CAMSAP3: variants seen among roughly 807,000 people sequenced by gnomAD.
The protein encoded by CAMSAP3 is calmodulin regulated spectrin associated protein family member 3.
In CAMSAP3, 34 loss-of-function variants were observed where a neutral mutation model predicts 112.5. The ratio of observed to expected loss-of-function variants is 0.30; its 90% CI spans 0.23 to 0.40. The LOEUF (loss-of-function observed/expected upper bound fraction) is 0.40, where lower values mean the gene tolerates loss of function less well. CAMSAP3 is among the 10% of genes least tolerant of loss of function. The pLI is 1.00. For synonymous variants in CAMSAP3, 868 were observed against 799.8 expected (o/e 1.09, Z -1.44); for missense variants, 1,602 against 1,770.3 (o/e 0.90, Z 1.71).
rs200823954 is a variant in CAMSAP3, at chr19:7,611,563, C to T, written c.1170C>T (p.Gly390=). ...CCATGTCCCATATGGAGGCCCTGGGCAAGGCCTGGAACCGGCAGCTCAGGT... is the reference window on the plus strand; with the variant it reads ...CCATGTCCCATATGGAGGCCCTGGGTAAGGCCTGGAACCGGCAGCTCAGGT... The part of the protein sequence containing the change: ...SPSMSHMEAL[G]KAWNRQLSRP... Residue 390 remains glycine, a synonymous_variant, in exon 10 of 17, where the codon GGC becomes GGT. Transcript: ENST00000160298. This position sits in a 1 kb window ranked among gnomAD's most constrained non-coding sequence, Gnocchi z 6.9. 41 of 1,612,596 alleles carry T rather than the reference C, an allele frequency of 2.5e-5. No homozygotes were observed. In the East Asian group the frequency reaches 7.4e-4, roughly 29 times the overall value.
chr19:7,603,204 T>C (rs1259485807), intron 1 of CAMSAP3, among the ~76,000 whole-genome samples: 1 of 151,480 alleles, frequency 6.6e-6, no homozygotes, highest in Non-Finnish European at 1.5e-5. Flanking sequence ...TCTTTTCTTT[T>C]TTTTTCTTTC....
chr19:7,603,609 A>AGCCACCT (rs1398880245), intron 1 of CAMSAP3, among the ~76,000 whole-genome samples: 2 of 151,804 alleles, frequency 1.3e-5, no homozygotes, highest in Non-Finnish European at 2.9e-5. Flanking sequence ...CACTTTGGGA[A>AGCCACCT]GCCAAGGCAG....
chr19:7,609,508 G>C (rs1474364278), intron 5 of CAMSAP3, among the ~76,000 whole-genome samples: 1 of 151,962 alleles, frequency 6.6e-6, no homozygotes, highest in Non-Finnish European at 1.5e-5. Context: ...GTTCTAGAAA[G>C]ATGCAAAGGC....
chr19:7,611,926 C>T lies in CAMSAP3; in HGVS notation c.1433C>T (p.Ala478Val), dbSNP rs2030512411. The stretch of plus-strand genomic sequence containing the variant: ...GAGCCCCGGCTCCTCCCAGATGGGG[C>T]GGCCGACGGCAGCTTCTACCTCCAC... ...SAEPRLLPDG[A>V]ADGSFYLHSP... The change falls in exon 11 of 17, where the codon GCG (alanine) becomes GTG (valine). Residue 478 changes from alanine (A) to valine (V), a missense_variant. Ala to Val is a moderately conservative substitution (Grantham distance 64, BLOSUM62 0). Transcript: ENST00000160298. This position sits in a 1 kb window ranked among gnomAD's most constrained non-coding sequence, Gnocchi z 6.9. 2 of 1,589,696 alleles carry T rather than the reference C, an allele frequency of 1.3e-6. No individual in the cohort carries two copies. The highest frequency in any genetic ancestry group is 1.1e-5 in the South Asian group (1 of 89,094).
rs761428063 is a variant in CAMSAP3, at chr19:7,605,404, G to A, written c.327G>A (p.Ala109=). 1.2e-5 allele frequency: 18 copies of A among 1,525,842 alleles called. No homozygotes were observed. Among genetic ancestry groups the A allele is most frequent in the Middle Eastern group, 1.7e-4 (1 of 5,726 alleles). The allele number at this position is 1,525,842 out of a possible 1,614,324, so 94.5% of individuals were successfully genotyped here. Residue 109 remains alanine, a synonymous_variant, in exon 2 of 17, where the codon GCG becomes GCA. Transcript: ENST00000160298. ...CCTCTGCACTGCTGGCCCTGCTGGC[G>A]CGGAGGGGCACAGTGCCTGCTTTGC... The part of the protein sequence containing the change: ...PNPSALLALL[A]RRGTVPALPE...
At chr19:7,616,197 C>CAAA (rs74266728) in intron 13 of CAMSAP3, among the ~76,000 whole-genome samples, 5 of 94,526 alleles carry the variant, frequency 5.3e-5, no homozygotes, top group African/African-American at 1.8e-4. Flanking sequence ...AGAAATAAGA[C>CAAA]AAAAAAAAAA....
chr19:7,596,949 G>T (rs984376246), intron 1 of CAMSAP3, among the ~76,000 whole-genome samples: 1 of 152,078 alleles, frequency 6.6e-6, no homozygotes, highest in Admixed American at 6.5e-5. Context: ...CTAATGGGGA[G>T]GATGCCGTAA....
At chr19:7,606,603 TG>T (rs776910276) in intron 4 of CAMSAP3, 32 bp downstream of exon 4, 2 of 1,518,992 alleles carry the variant, frequency 1.3e-6, no homozygotes, top group South Asian at 1.2e-5. Context: ...GTCAGAAGGA[TG>T]GGGGACCGGA....
At position 7,612,086 on chromosome 19, in the gene CAMSAP3, C is replaced by G; in HGVS notation, c.1593C>G (p.Pro531=). ...CCGAGACCCCCTCGAAACCATCTCC[C>G]TGTCTGGTGGGGGAGGCATCGAAAC... is the stretch of plus-strand genomic sequence containing the variant. ...PHPETPSKPS[P]CLVGEASKPP... is the part of the protein sequence containing the mutation. Residue 531 remains proline, a synonymous_variant, in exon 11 of 17, where the codon CCC becomes CCG. Coordinates refer to ENST00000160298, the MANE Select transcript of CAMSAP3 (RefSeq NM_020902.2). The G allele has an allele frequency of 6.2e-7, 1 of 1,609,276 alleles. No homozygotes were observed. The highest frequency in any genetic ancestry group is 1.3e-5 in the African/African-American group (1 of 74,990).
chr19:7,606,156 A>AAAC (rs2030206864), intron 2 of CAMSAP3, 115 bp from the exon 3 acceptor site: 9 of 227,806 alleles, frequency 4.0e-5, no homozygotes, highest in East Asian at 3.4e-4. Flanking sequence ...CTCAAGCCCC[A>AAAC]CCCCCCCCGT....
intron 1 of CAMSAP3, 53 bp from the exon 2 acceptor site, chr19:7,605,173 T>TGTGTGTGTGTGTGTGTGTGA: frequency 8.0e-7 from 1 of 1,252,156 alleles, no homozygotes; most frequent in Non-Finnish European, 1.1e-6. Context: ...TGTGTGTGTG[T>TGTGTGTGTGTGTGTGTGTGA]GTGTTGTATC....
chr19:7,612,997 A>C lies in CAMSAP3; in HGVS notation c.2504A>C (p.Glu835Ala). The C allele has an allele frequency of 6.3e-7, 1 of 1,577,534 alleles. No individual in the cohort carries two copies. The highest frequency in any genetic ancestry group is 1.4e-5 in the African/African-American group (1 of 73,234). The change falls in exon 11 of 17, where the codon GAG (glutamate) becomes GCG (alanine). Residue 835 changes from glutamate (E) to alanine (A), a missense_variant. Glu to Ala is a moderately radical substitution (Grantham distance 107). This residue lies in a region of CAMSAP3 where 1,100 missense variants were observed against 1,135.7 expected (regional missense o/e 0.97). Coordinates refer to ENST00000160298, the MANE Select transcript of CAMSAP3 (RefSeq NM_020902.2). Reference protein sequence around the residue: ...SILLAEETPPEEPAARPGLIE... With the variant: ...SILLAEETPPAEPAARPGLIE... ...CTCCTGGCGGAGGAGACGCCCCCCG[A>C]GGAGCCAGCCGCCCGGCCGGGCCTC...
rs1038448282 is a variant in CAMSAP3, at chr19:7,617,275, A to G, written c.3213-51A>G. 1.5e-6 allele frequency: 2 copies of G among 1,302,420 alleles called. No individual in the cohort carries two copies. Among genetic ancestry groups the G allele is most frequent in the Non-Finnish European group, 1.1e-6 (1 of 898,928 alleles). 80.7% of individuals were successfully genotyped at this position (1,302,420 alleles called of 1,614,324 possible). A position where few individuals can be genotyped will look rare whatever the true frequency, so the allele number is the denominator to read the frequency against. ...AGGGAAGCTTCCCATCTCTGACCCC[A>G]CCTCCATCCCATCCTGACCCCACCT... On this transcript the variant is annotated intron_variant, in intron 14 of 16. Transcript: ENST00000160298. The surrounding 1 kb of genome is among the most constrained non-coding windows in gnomAD (Gnocchi z 7.5).
Position 7,605,283 on chromosome 19 carries a change from A to T in CAMSAP3, c.206A>T (p.His69Leu), listed in dbSNP as rs760158702. The change falls in exon 2 of 17, where the codon CAT (histidine) becomes CTT (leucine). Residue 69 changes from histidine to leucine, a missense_variant. By Grantham distance (99) the His-to-Leu change is moderately conservative. Transcript: ENST00000160298. Reference sequence around the variant, plus strand: ...TATACCGACCAGTACGCGCAGGAGCATGTGAAGCCCCCGGTGACACGGCTG... The same window carrying T: ...TATACCGACCAGTACGCGCAGGAGCTTGTGAAGCCCCCGGTGACACGGCTG... ...PFYTDQYAQE[H>L]VKPPVTRLLL... is the part of the protein sequence containing the mutation. The T allele has an allele frequency of 6.2e-7, 1 of 1,610,956 alleles. No individual in the cohort carries two copies. The highest frequency in any genetic ancestry group is 2.2e-5 in the East Asian group (1 of 44,656).
chr19:7,618,082 G>T lies in CAMSAP3; in HGVS notation c.*25G>T, dbSNP rs370876411. ...GCCCCACCCGGGCGGTCCACGGGCC[G>T]GGCCCTGTGTGCTGCGGCCGCCATC... On this transcript the variant is annotated 3_prime_UTR_variant, in exon 17 of 17. Transcript: ENST00000160298. 5.3e-5 allele frequency: 85 copies of T among 1,597,904 alleles called. No individual in the cohort carries two copies. The highest frequency in any genetic ancestry group is 6.8e-5 in the Non-Finnish European group (80 of 1,172,540).
In CAMSAP3 at chr19:7,611,729, C is replaced by A. The variant is rs1260744104; in HGVS notation, c.1236C>A (p.Gly412=). Residue 412 remains glycine (G), a synonymous_variant, in exon 11 of 17, where the codon GGC becomes GGA. Transcript: ENST00000160298. The surrounding 1 kb of genome is among the most constrained non-coding windows in gnomAD (Gnocchi z 6.9). ...SQAVSFSTPF[G]LDSDVDVVMG... ...CTGTGTCATTCAGCACCCCCTTTGG[C>A]CTGGACAGCGACGTGGATGTCGTCA... is the stretch of plus-strand genomic sequence containing the variant. 1.3e-6 allele frequency: 2 copies of A among 1,565,996 alleles called. No individual in the cohort carries two copies. The highest frequency in any genetic ancestry group is 1.7e-6 in the Non-Finnish European group (2 of 1,154,152).
chr19:7,606,422 C>T (rs72992533), intron 3 of CAMSAP3, 29 bp downstream of exon 3: 61,012 of 1,612,140 alleles, frequency 0.038, 1,317 homozygotes, highest in Non-Finnish European at 0.043. Context: ...GGGGTGGGTT[C>T]GGGGACCAGC....
Position 7,612,154 on chromosome 19 carries a change from CCCCAGCA to C in CAMSAP3, c.1662_1668del (p.Ala556ProfsTer5). ...GGGTCCCCGAAGGCGGTGGCTTCGT[CCCCAGCA>C]GCCACCAACTCCGAGGTGAAAATGA... On this transcript the variant is annotated frameshift_variant, in exon 11 of 17. Transcript: ENST00000160298. LOFTEE classifies it high-confidence loss of function. The C allele has an allele frequency of 6.2e-7, 1 of 1,612,254 alleles. No homozygotes were observed. The highest frequency in any genetic ancestry group is 8.5e-7 in the Non-Finnish European group (1 of 1,179,712).
intron 2 of CAMSAP3, among the ~76,000 whole-genome samples, chr19:7,605,745 C>T (rs955497028): frequency 1.3e-5 from 2 of 151,860 alleles, no homozygotes; most frequent in Admixed American, 1.3e-4. Context: ...TCCATTAAGC[C>T]TAGCTCCTAT....
Sources: gnomAD v4.1 joint callset for allele counts (sites outside exome capture counted in the v4.1 genomes callset) on GRCh38, gnomAD v4.1.1 for gene constraint, gnomAD v4.1.1 regional missense constraint, Gnocchi (gnomAD v3.1) non-coding constraint, MANE v1.5 for transcripts, NCBI Gene and HGNC (gene_info 2026-07-23, HGNC 2026-07-21) for gene names.